Variants in ERBB4 observed in about 807,000 individuals in gnomAD.
The protein encoded by ERBB4 is erb-b2 receptor tyrosine kinase 4, also known as receptor tyrosine-protein kinase erbB-4.
Under a neutral mutation model 158.0 loss-of-function variants are expected in ERBB4, and 42 were observed. That is an observed-to-expected ratio of 0.27 (90% CI 0.21 to 0.34). The LOEUF (loss-of-function observed/expected upper bound fraction) is 0.34. Ranked by LOEUF, ERBB4 falls within the 10% of genes least tolerant of loss-of-function variation. The probability of loss-of-function intolerance (pLI) is 1.00; values close to 1 mark genes in which losing one functional copy is unlikely to be tolerated. For missense variants in ERBB4, 1,333 were observed against 1,624.1 expected, an observed-to-expected ratio of 0.82 and a Z score of 3.08; for synonymous variants, 583 against 558.7, an observed-to-expected ratio of 1.04 and a Z score of -0.61.
At chr2:212,061,896 T>G (rs935760640) in intron 2 of ERBB4, among the ~76,000 whole-genome samples, 4 of 151,600 alleles carry the variant, frequency 2.6e-5, no homozygotes, top group African/African-American at 9.7e-5. Flanking sequence ...CCACCACACA[T>G]GGCTAATTTT....
chr2:211,743,733 C>T (rs552218702), intron 5 of ERBB4, among the ~76,000 whole-genome samples: 20 of 152,250 alleles, frequency 1.3e-4, no homozygotes, highest in African/African-American at 3.6e-4. Context: ...TCCCCTGACA[C>T]GACTACATTA....
intron 1 of ERBB4, among the ~76,000 whole-genome samples, chr2:212,151,248 G>C (rs560054647): frequency 1.3e-4 from 20 of 151,034 alleles, no homozygotes; most frequent in South Asian, 8.3e-4. Context: ...TTTAGCTGTA[G>C]AATTAAATAT....
At chr2:211,598,771 A>T (rs1397824443) in intron 19 of ERBB4, among the ~76,000 whole-genome samples, 1 of 152,190 alleles carries the variant, frequency 6.6e-6, no homozygotes, top group Non-Finnish European at 1.5e-5. Flanking sequence ...TTGGACATAT[A>T]TACATGTACA....
At chr2:212,168,058 A>G (rs2081402370) in intron 1 of ERBB4, among the ~76,000 whole-genome samples, 1 of 57,246 alleles carries the variant, frequency 1.7e-5, no homozygotes, top group African/African-American at 5.7e-5. Flanking sequence ...CCAGGAACTG[A>G]AATTAAAATT....
chr2:211,965,570 A>G (rs1263317866), intron 2 of ERBB4, among the ~76,000 whole-genome samples: 1 of 152,200 alleles, frequency 6.6e-6, no homozygotes, highest in Non-Finnish European at 1.5e-5. Flanking sequence ...CCAAGTTGTT[A>G]TATACACAAT....
intron 7 of ERBB4, among the ~76,000 whole-genome samples, chr2:211,718,075 A>C (rs557403823): frequency 3.9e-4 from 60 of 152,070 alleles, no homozygotes; most frequent in African/African-American, 1.4e-3. Flanking sequence ...CCACGACCGG[A>C]TAATTTTTGT....
intron 3 of ERBB4, among the ~76,000 whole-genome samples, chr2:211,921,050 G>A (rs1230685829): frequency 1.3e-5 from 2 of 151,694 alleles, no homozygotes; most frequent in Non-Finnish European, 1.5e-5. Context: ...AATTTTATCT[G>A]TATAACACTG....
chr2:211,426,455 T>A (rs559228997), intron 22 of ERBB4, among the ~76,000 whole-genome samples: 9 of 152,306 alleles, frequency 5.9e-5, no homozygotes, highest in Non-Finnish European at 1.0e-4. Context: ...CAACATTTTT[T>A]AAATGCCTTA....
rs577824194 is a variant in ERBB4, at chr2:211,758,704, G to A, written c.557-8000C>T. Among the ~76,000 whole-genome samples, 15 of 152,360 alleles carry A rather than the reference G, an allele frequency of 9.8e-5. No homozygotes were observed. The East Asian group carries it at 2.7e-3, about 27-fold the overall frequency. On this transcript the variant is annotated intron_variant, in intron 4 of 27. Coordinates refer to ENST00000342788, the MANE Select transcript of ERBB4 (RefSeq NM_005235.3). ...AATAATGAGCACTTACTATGAGCTT[G>A]CCAGAGCCACCAAGGGTGTCCAGAA...
intron 1 of ERBB4, among the ~76,000 whole-genome samples, chr2:212,292,479 T>G (rs2086243065): frequency 6.6e-6 from 1 of 152,000 alleles, no homozygotes; most frequent in African/African-American, 2.4e-5. Flanking sequence ...GTACCTTTAG[T>G]GATATAATTA....
intron 1 of ERBB4, among the ~76,000 whole-genome samples, chr2:212,334,172 C>T (rs1406709807): frequency 6.6e-6 from 1 of 151,890 alleles, no homozygotes; most frequent in African/African-American, 2.4e-5. Context: ...GAGTCAAATT[C>T]TATTAATTAT....
intron 1 of ERBB4, among the ~76,000 whole-genome samples, chr2:212,361,192 T>G (rs566977996): frequency 6.6e-6 from 1 of 151,728 alleles, no homozygotes; most frequent in Non-Finnish European, 1.5e-5. Context: ...AACATTTCCA[T>G]TTGGTTCATA....
intron 1 of ERBB4, among the ~76,000 whole-genome samples, chr2:212,165,604 T>G (rs976842734): frequency 1.3e-5 from 2 of 152,040 alleles, no homozygotes; most frequent in African/African-American, 4.8e-5. Context: ...TACCACAGAA[T>G]TGGCTGACAC....
chr2:212,535,502 A>C (rs1166082269), intron 1 of ERBB4, among the ~76,000 whole-genome samples: 1 of 152,170 alleles, frequency 6.6e-6, no homozygotes, highest in African/African-American at 2.4e-5. Context: ...GTTACCTGCA[A>C]AAAAGAAATG....
intron 1 of ERBB4, among the ~76,000 whole-genome samples, chr2:212,413,134 A>ATTTTTTTTTTTTTTTTTTTT (rs370397826): frequency 4.0e-5 from 4 of 101,256 alleles, no homozygotes; most frequent in Non-Finnish European, 5.6e-5. Context: ...TGCGTGGCTA[A>ATTTTTTTTTTTTTTTTTTTT]TTTTTTTTTT....
chr2:211,505,497 TA>T (rs150255724), intron 20 of ERBB4, among the ~76,000 whole-genome samples: 13 of 147,658 alleles, frequency 8.8e-5, no homozygotes, highest in East Asian at 4.0e-4. Flanking sequence ...CTCACCATCA[TA>T]AAAAAAAAAC....
In ERBB4 at chr2:211,850,726, A is replaced by C. The variant is rs561898322; in HGVS notation, c.422-62567T>G. On this transcript the variant is annotated intron_variant, in intron 3 of 27. Transcript: ENST00000342788. ...TGGTAGGTATTTGACATGTAGGGTCAGAGTGGCAGATGAGGCTGTTAGGGG... is the reference window on the plus strand; with the variant it reads ...TGGTAGGTATTTGACATGTAGGGTCCGAGTGGCAGATGAGGCTGTTAGGGG... Among the ~76,000 whole-genome samples the C allele has an allele frequency of 6.8e-4, 104 of 152,086 alleles. 2 individuals are homozygous for C. The highest frequency in any genetic ancestry group is 2.4e-3 in the African/African-American group (99 of 41,564).
In ERBB4 at chr2:211,630,504, G is replaced by A; in HGVS notation, c.2037C>T (p.Ser679=). Reference sequence around the variant, plus strand: ...TTCTCAAGGCTCTTTTCTTTTTGATGCTCTTCCTTCTAACATAAACAGCAA... The same window carrying A: ...TTCTCAAGGCTCTTTTCTTTTTGATACTCTTCCTTCTAACATAAACAGCAA... ...LTFAVYVRRK[S]IKKKRALRRF... is the part of the protein sequence containing the mutation. Residue 679 remains serine, a synonymous_variant, in exon 17 of 28, where the codon AGC becomes AGT. Transcript: ENST00000342788. 6.2e-7 allele frequency: 1 copy of A among 1,612,590 alleles called. No homozygotes were observed. Among genetic ancestry groups the A allele is most frequent in the Non-Finnish European group, 8.5e-7 (1 of 1,178,900 alleles).
chr2:211,971,886 C>T (rs1265515107), intron 2 of ERBB4, among the ~76,000 whole-genome samples: 2 of 152,252 alleles, frequency 1.3e-5, no homozygotes, highest in Admixed American at 6.5e-5. Context: ...TCTCTCACTC[C>T]TCCTATTTAA....
Sources: allele counts gnomAD v4.1 joint callset (sites outside exome capture counted in the v4.1 genomes callset), GRCh38; gene constraint gnomAD v4.1.1; transcripts MANE v1.5; gene names NCBI Gene and HGNC (gene_info 2026-07-23, HGNC 2026-07-21).